ABCA3: variants seen among roughly 807,000 people sequenced by gnomAD.
ABCA3 encodes phospholipid-transporting ATPase ABCA3.
Under a neutral mutation model 172.8 loss-of-function variants are expected in ABCA3, and 88 were observed. The ratio of observed to expected loss-of-function variants is 0.51; its 90% CI spans 0.43 to 0.61. The LOEUF (loss-of-function observed/expected upper bound fraction) is 0.61. Among genes scored for constraint, ABCA3 ranks in the 20% least tolerant of loss-of-function variants. The probability of loss-of-function intolerance (pLI) is 0.00; values close to 1 mark genes in which losing one functional copy is unlikely to be tolerated. For synonymous variants in ABCA3, 1,066 were observed against 983.8 expected (o/e 1.08, Z -1.56); for missense variants, 2,164 against 2,301.0 (o/e 0.94, Z 1.22).
In ABCA3 at chr16:2,286,170, C is replaced by T. The variant is rs2093662868; in HGVS notation, c.3278+524G>A. ...ACTGCCCTGAGGAGGAGTGGCTATT[C>T]TGAAATTAACAGAATTTTTGGCCTC... is the stretch of plus-strand genomic sequence containing the variant. On this transcript the variant is annotated intron_variant, in intron 22 of 32. Coordinates refer to ENST00000301732, the MANE Select transcript of ABCA3 (RefSeq NM_001089.3). This position sits in a 1 kb window ranked among gnomAD's most constrained non-coding sequence, Gnocchi z 5.2. Among the ~76,000 whole-genome samples the T allele has an allele frequency of 6.6e-6, 1 of 152,194 alleles. No homozygotes were observed. The highest frequency in any genetic ancestry group is 2.4e-5 in the African/African-American group (1 of 41,444).
At position 2,292,044 on chromosome 16, in the gene ABCA3, G is replaced by C. The variant is rs2141701840; in HGVS notation, c.2513+96C>G. On this transcript the variant is annotated intron_variant, in intron 19 of 32. Transcript: ENST00000301732. ...GCCGAGATCGCACCACTGCACTCCA[G>C]CCTGGGCAACTAGAGTGAAACTCCA... 3.1e-6 allele frequency: 3 copies of C among 982,542 alleles called. No individual in the cohort carries two copies. The East Asian group carries it at 7.7e-5, about 25-fold the overall frequency. The allele number at this position is 982,542 out of a possible 1,614,324, so 60.9% of individuals were successfully genotyped here.
At position 2,286,678 on chromosome 16, in the gene ABCA3, C is replaced by T. The variant is rs202106436; in HGVS notation, c.3278+16G>A. 130 of 1,612,312 alleles carry T rather than the reference C, an allele frequency of 8.1e-5. No individual in the cohort carries two copies. In the African/African-American group the frequency reaches 1.3e-3, roughly 16 times the overall value. On this transcript the variant is annotated intron_variant, in intron 22 of 32. Transcript: ENST00000301732. The surrounding 1 kb of genome is among the most constrained non-coding windows in gnomAD (Gnocchi z 5.2). The stretch of plus-strand genomic sequence containing the variant: ...GGGCTCTGGCCAGGGCAGACAGGGA[C>T]GGGCAGTGCACATACTCGTTAAACT...
At chr16:2,310,316 G>C (rs1046174534) in intron 10 of ABCA3, among the ~76,000 whole-genome samples, 5 of 151,920 alleles carry the variant, frequency 3.3e-5, no homozygotes, top group African/African-American at 1.2e-4. Flanking sequence ...GCTGAGGCAG[G>C]AGCATCGCTT....
chr16:2,334,638 C>G (rs1311400921), intron 1 of ABCA3, among the ~76,000 whole-genome samples: 1 of 151,596 alleles, frequency 6.6e-6, no homozygotes, highest in African/African-American at 2.4e-5. Flanking sequence ...GCCTCAGCCT[C>G]CCAAGTAGCT....
At position 2,295,599 on chromosome 16, in the gene ABCA3, C is replaced by T. The variant is rs1291869042; in HGVS notation, c.2405G>A (p.Ser802Asn). The change falls in exon 18 of 33, where the codon AGC becomes AAC. Residue 802 changes from serine to asparagine, a missense_variant. Transcript: ENST00000301732. The stretch of plus-strand genomic sequence containing the variant: ...TCCCTGGGAGGCGTACCTGTGCGTG[C>T]TCTCTCTGGGAAGGATGAAAGACAG... ...AELSFILPRE[S>N]THRFEGLFAK... 1.9e-6 allele frequency: 3 copies of T among 1,613,488 alleles called. No individual in the cohort carries two copies. Among genetic ancestry groups the T allele is most frequent in the Non-Finnish European group, 2.5e-6 (3 of 1,180,046 alleles).
intron 28 of ABCA3, among the ~76,000 whole-genome samples, chr16:2,280,198 G>A (rs1009407779): frequency 2.0e-5 from 3 of 152,196 alleles, no homozygotes; most frequent in African/African-American, 7.2e-5. Context: ...GATCACATAC[G>A]GTTTTCTCTC....
intron 28 of ABCA3, among the ~76,000 whole-genome samples, chr16:2,280,578 T>C (rs1358779823): frequency 6.6e-6 from 1 of 152,122 alleles, no homozygotes; most frequent in Non-Finnish European, 1.5e-5. Flanking sequence ...CTTGGCACAC[T>C]TGAATTCCCA....
rs71148128 is a variant in ABCA3, at chr16:2,316,490, CAAAAAAAAAAAAAAA to C, written c.1111+778_1111+792del. Reference sequence around the variant, plus strand: ...CAAAACCCCGTCTCTACTAAAAATGCAAAAAAAAAAAAAAAAAAAAAAAAAAAAAAAAAAAAAATT... The same window carrying C: ...CAAAACCCCGTCTCTACTAAAAATGCAAAAAAAAAAAAAAAAAAAAAAATT... On this transcript the variant is annotated intron_variant, in intron 10 of 32. Coordinates refer to ENST00000301732, the MANE Select transcript of ABCA3 (RefSeq NM_001089.3). Among the ~76,000 whole-genome samples, 32 of 28,868 alleles carry C rather than the reference CAAAAAAAAAAAAAAA, an allele frequency of 1.1e-3. 1 individual carries two copies. Among genetic ancestry groups the C allele is most frequent in the South Asian group, 1.1e-3 (1 of 918 alleles). 18.9% of individuals were successfully genotyped at this position (28,868 alleles called of 152,430 possible).
chr16:2,293,121 G>A (rs974935658), intron 18 of ABCA3, among the ~76,000 whole-genome samples: 12 of 151,568 alleles, frequency 7.9e-5, no homozygotes, highest in African/African-American at 2.2e-4. Context: ...GCACAGTCTC[G>A]GCTCACTGCA....
chr16:2,298,779 G>GAC (rs139390309), intron 14 of ABCA3, among the ~76,000 whole-genome samples: 2 of 151,892 alleles, frequency 1.3e-5, no homozygotes, highest in African/African-American at 2.4e-5. Context: ...AGAAACCCAC[G>GAC]ACACACACAC....
Position 2,284,902 on chromosome 16 carries a change from G to A in ABCA3, c.3580C>T (p.Pro1194Ser). Residue 1194 changes from proline (P) to serine (S), a missense_variant, in exon 24 of 33, where the codon CCC becomes TCC. Coordinates refer to ENST00000301732, the MANE Select transcript of ABCA3 (RefSeq NM_001089.3). This position sits in a 1 kb window ranked among gnomAD's most constrained non-coding sequence, Gnocchi z 5.9. ...LLLLYGWAII[P>S]LMYLMNFFFL... is the part of the protein sequence containing the mutation. ...AAGAAGTTCATCAGGTACATGAGGG[G>A]GATGATGGCCCAGCCGTAGAGCAGG... 6.2e-7 allele frequency: 1 copy of A among 1,613,942 alleles called. No individual in the cohort carries two copies. Among genetic ancestry groups the A allele is most frequent in the Non-Finnish European group, 8.5e-7 (1 of 1,180,004 alleles).
At chr16:2,333,818 A>G (rs745984590) in intron 1 of ABCA3, among the ~76,000 whole-genome samples, 33 of 151,340 alleles carry the variant, frequency 2.2e-4, no homozygotes, top group Admixed American at 1.1e-3. Context: ...CCTCCTGAGT[A>G]GCTGGGATTA....
chr16:2,315,238 A>G (rs28698543), intron 10 of ABCA3, among the ~76,000 whole-genome samples: 15,806 of 151,254 alleles, frequency 0.1, 1,394 homozygotes, highest in East Asian at 0.35. Context: ...ACACACACAC[A>G]CACACAGCAA....
At position 2,317,403 on chromosome 16, in the gene ABCA3, C is replaced by T; in HGVS notation, c.991G>A (p.Val331Met). The change falls in exon 10 of 33, where the codon GTG becomes ATG. Residue 331 changes from valine to methionine, a missense_variant and splice_region_variant. Val to Met is a conservative substitution (Grantham distance 21). Coordinates refer to ENST00000301732, the MANE Select transcript of ABCA3 (RefSeq NM_001089.3). ...SFMTLLFCVK[V>M]KPNVAVLSRS... is the part of the protein sequence containing the mutation. The stretch of plus-strand genomic sequence containing the variant: ...GACAGCACGGCTACATTTGGCTTCA[C>T]CTGCAGGGCACAGGCATGAGTCGGG... 1.2e-6 allele frequency: 2 copies of T among 1,613,734 alleles called. No homozygotes were observed. The highest frequency in any genetic ancestry group is 1.7e-6 in the Non-Finnish European group (2 of 1,180,004).
At chr16:2,299,229 G>A (rs2093685051) in intron 14 of ABCA3, among the ~76,000 whole-genome samples, 174 bp downstream of exon 14, 1 of 152,124 alleles carries the variant, frequency 6.6e-6, no homozygotes, top group Non-Finnish European at 1.5e-5. Context: ...CAGAGGCGGT[G>A]AGGAGGGCAG....
rs552752601 is a variant in ABCA3, at chr16:2,324,569, C to A, written c.320-38G>T. Reference sequence around the variant, plus strand: ...AGCACGGGAGCTGTGGTTGCCCAATCGGCCCTCCTGCTTGAAAAATCTGCG... The same window carrying A: ...AGCACGGGAGCTGTGGTTGCCCAATAGGCCCTCCTGCTTGAAAAATCTGCG... On this transcript the variant is annotated intron_variant, in intron 5 of 32. Transcript: ENST00000301732. 1.3e-5 allele frequency: 21 copies of A among 1,604,494 alleles called. 1 individual carries two copies. The South Asian group carries it at 1.9e-4, about 14-fold the overall frequency.
chr16:2,313,993 G>T (rs536715163), intron 10 of ABCA3, among the ~76,000 whole-genome samples: 1 of 152,164 alleles, frequency 6.6e-6, no homozygotes, highest in Non-Finnish European at 1.5e-5. Flanking sequence ...GAAAACAACA[G>T]GTGTTCACGA....
rs544485375 is a variant in ABCA3 at position 2,299,939 on chromosome 16, C to T, written c.1611+66G>A. 1.2e-3 allele frequency: 1,942 copies of T among 1,602,718 alleles called. 2 individuals carry two copies. Among genetic ancestry groups the T allele is most frequent in the Non-Finnish European group, 1.4e-3 (1,697 of 1,178,138 alleles). ...CTGACGGGCTATGAGGTCTCACTGC[C>T]GTGCTGGTAAGTCTTCCCATGGTCC... On this transcript the variant is annotated intron_variant, in intron 13 of 32. Coordinates refer to ENST00000301732, the MANE Select transcript of ABCA3 (RefSeq NM_001089.3).
At chr16:2,309,191 C>G (rs1045836935) in intron 10 of ABCA3, among the ~76,000 whole-genome samples, 1 of 152,184 alleles carries the variant, frequency 6.6e-6, no homozygotes, top group Admixed American at 6.5e-5. Context: ...CGTGATCCAC[C>G]GGCCTTGGCC....
Sources: allele counts gnomAD v4.1 joint callset (sites outside exome capture counted in the v4.1 genomes callset), GRCh38; gene constraint gnomAD v4.1.1; non-coding constraint Gnocchi (gnomAD v3.1); transcripts MANE v1.5; gene names NCBI Gene and HGNC (gene_info 2026-07-23, HGNC 2026-07-21).